The following MGA variants were observed in gnomAD, a reference collection of about 807,000 sequenced individuals.
MGA encodes MAX gene-associated protein.
A neutral mutation model predicts 261.1 loss-of-function variants in MGA; 40 were observed. That is an observed-to-expected ratio of 0.15 (90% confidence interval 0.12 to 0.20). The LOEUF is 0.20. Ranked by LOEUF, MGA falls within the 10% of genes least tolerant of loss-of-function variation. The pLI is 1.00. For missense variants in MGA, 3,397 were observed against 3,630.5 expected (o/e 0.94, Z 1.65); for synonymous variants, 1,302 against 1,290.6 (o/e 1.01, Z -0.19).
intron 5 of MGA, among the ~76,000 whole-genome samples, chr15:41,704,333 T>C (rs933138863): frequency 6.9e-6 from 1 of 144,390 alleles, no homozygotes; most frequent in Non-Finnish European, 1.5e-5. Context: ...TGCCCTGCAG[T>C]AAAAAAAAAA....
At chr15:41,639,986 A>G (rs548545676) in intron 1 of MGA, among the ~76,000 whole-genome samples, 29 of 152,272 alleles carry the variant, frequency 1.9e-4, no homozygotes, top group African/African-American at 7.0e-4. Flanking sequence ...AAGGATGATG[A>G]GAGCTAGATT....
Position 41,736,272 on chromosome 15 carries a change from T to A in MGA, c.4008T>A (p.Ile1336=), listed in dbSNP as rs1459384479. ...CACCTGGTGGTCCCACCAAACTGAT[T>A]GAGATCATCTCAGACTGCAACTGGG... Residue 1336 remains isoleucine (I), a synonymous_variant, in exon 13 of 24, where the codon ATT becomes ATA. Coordinates refer to ENST00000219905, the MANE Select transcript of MGA (RefSeq NM_001164273.2). 6.2e-7 allele frequency: 1 copy of A among 1,613,970 alleles called. No individual in the cohort carries two copies. Among genetic ancestry groups the A allele is most frequent in the East Asian group, 2.2e-5 (1 of 44,890 alleles).
chr15:41,764,941 G>T lies in MGA; in HGVS notation c.7800G>T (p.Pro2600=). The T allele has an allele frequency of 6.2e-7, 1 of 1,613,974 alleles. No individual in the cohort carries two copies. Among genetic ancestry groups the T allele is most frequent in the Non-Finnish European group, 8.5e-7 (1 of 1,179,856 alleles). Residue 2600 remains proline (P), a synonymous_variant, in exon 23 of 24, where the codon CCG becomes CCT. Transcript: ENST00000219905. ...CCTCTGCCAACCTTGTGATGACTCC[G>T]CAAGGGCAATTGCTCACCCTAAAAG... is the stretch of plus-strand genomic sequence containing the variant.
intron 15 of MGA, among the ~76,000 whole-genome samples, chr15:41,743,950 G>C (rs144534522): frequency 1.1e-4 from 17 of 152,254 alleles, no homozygotes; most frequent in African/African-American, 4.1e-4. Context: ...AAAGTAAGTG[G>C]TTCTTTTAAT....
Position 41,749,814 on chromosome 15 carries a change from T to C in MGA, c.6207T>C (p.Tyr2069=), listed in dbSNP as rs1567081790. ...ATTATAAAGATGTTAATGAAGAATA[T>C]GGGGCTAGGAATCGTAAGAGTTCCA... Residue 2069 remains tyrosine (Y), a synonymous_variant, in exon 17 of 24, where the codon TAT becomes TAC. Transcript: ENST00000219905. The C allele has an allele frequency of 6.2e-7, 1 of 1,613,876 alleles. No homozygotes were observed. Among genetic ancestry groups the C allele is most frequent in the Non-Finnish European group, 8.5e-7 (1 of 1,179,874 alleles).
At position 41,769,156 on chromosome 15, in the gene MGA, C is replaced by T. The variant is rs1352737204; in HGVS notation, c.*1876C>T. 6.6e-6 allele frequency: 1 copy of T among 152,574 alleles called. No individual in the cohort carries two copies. Among genetic ancestry groups the T allele is most frequent in the Non-Finnish European group, 1.5e-5 (1 of 68,064 alleles). The allele number at this position is 152,574 out of a possible 1,614,324, so 9.5% of individuals were successfully genotyped here. A position where few individuals can be genotyped will look rare whatever the true frequency, so the allele number is the denominator to read the frequency against. On this transcript the variant is annotated 3_prime_UTR_variant, in exon 24 of 24. Coordinates refer to ENST00000219905, the MANE Select transcript of MGA (RefSeq NM_001164273.2). ...ACTTTAATCCAGGTATAGCAGTTTC[C>T]CGTTATTTTCTTGCTTGTCGTTCCC...
At chr15:41,716,209 C>G (rs551989890) in intron 9 of MGA, among the ~76,000 whole-genome samples, 2 of 151,418 alleles carry the variant, frequency 1.3e-5, no homozygotes, top group African/African-American at 4.9e-5. Flanking sequence ...GCACTTTGGA[C>G]GGCTGAGGCG....
At chr15:41,724,341 A>T (rs2061112527) in intron 9 of MGA, among the ~76,000 whole-genome samples, 1 of 151,862 alleles carries the variant, frequency 6.6e-6, no homozygotes, top group African/African-American at 2.4e-5. Context: ...ATTCCAACAC[A>T]TTTTCCGTAT....
chr15:41,759,854 A>AT (rs888831791), intron 19 of MGA, among the ~76,000 whole-genome samples: 3 of 152,126 alleles, frequency 2.0e-5, no homozygotes, highest in African/African-American at 7.2e-5. Context: ...ATTGTGTAGT[A>AT]TATTTTGGGA....
At chr15:41,708,877 G>A (rs1453345180) in intron 7 of MGA, among the ~76,000 whole-genome samples, 1 of 152,156 alleles carries the variant, frequency 6.6e-6, no homozygotes, top group Non-Finnish European at 1.5e-5. Flanking sequence ...CATTTTGACT[G>A]TATCCCTCTT....
At chr15:41,661,192 C>G (rs1422854250) in intron 1 of MGA, among the ~76,000 whole-genome samples, 2 of 152,120 alleles carry the variant, frequency 1.3e-5, no homozygotes, top group African/African-American at 2.4e-5. Context: ...GAGGGGAAAA[C>G]AGGTGGGAAG....
rs376151993 is a variant in MGA at position 41,727,788 on chromosome 15, TA to T, written c.3657+387del. ...TTTTAAAAGCTTTTAAAAGCAAATT[TA>T]AAAATGCATAATAATATCAGTAAAG... On this transcript the variant is annotated intron_variant, in intron 10 of 23. Coordinates refer to ENST00000219905, the MANE Select transcript of MGA (RefSeq NM_001164273.2). Among the ~76,000 whole-genome samples, 65 of 152,214 alleles carry T rather than the reference TA, an allele frequency of 4.3e-4. 1 individual carries two copies. The East Asian group carries it at 9.3e-3, about 22-fold the overall frequency.
chr15:41,636,853 T>A (rs1009906314), intron 1 of MGA, among the ~76,000 whole-genome samples: 2 of 152,110 alleles, frequency 1.3e-5, no homozygotes, highest in Non-Finnish European at 2.9e-5. Flanking sequence ...ACCTGGCCTG[T>A]GGTGTTTTAT....
intron 15 of MGA, 92 bp downstream of exon 15, chr15:41,743,264 A>G (rs2151861995): frequency 7.3e-7 from 1 of 1,375,662 alleles, no homozygotes; most frequent in Non-Finnish European, 9.7e-7. Context: ...ATATCAGGAT[A>G]ACAGTATAGG....
At chr15:41,683,242 A>G (rs2151119383) in intron 2 of MGA, among the ~76,000 whole-genome samples, 1 of 152,078 alleles carries the variant, frequency 6.6e-6, no homozygotes, top group East Asian at 1.9e-4. Flanking sequence ...AAATTGAGAC[A>G]GGGTTTTGCT....
intron 2 of MGA, among the ~76,000 whole-genome samples, chr15:41,689,251 C>T (rs1374624468): frequency 6.6e-6 from 1 of 151,812 alleles, no homozygotes; most frequent in Non-Finnish European, 1.5e-5. Flanking sequence ...TGTGTACCCT[C>T]TCCCTCTCTC....
At chr15:41,664,874 C>T (rs1035280438) in intron 1 of MGA, among the ~76,000 whole-genome samples, 1 of 152,114 alleles carries the variant, frequency 6.6e-6, no homozygotes, top group Non-Finnish European at 1.5e-5. Context: ...AACCAATCAA[C>T]TTCATAGGTA....
intron 5 of MGA, 44 bp downstream of exon 5, chr15:41,699,203 T>G: frequency 7.8e-7 from 1 of 1,289,330 alleles, no homozygotes; most frequent in Middle Eastern, 1.9e-4. Flanking sequence ...CTTTTTTTCT[T>G]TCTTCCCTAC....
chr15:41,757,031 CTCTG>C (rs751693477), intron 18 of MGA, among the ~76,000 whole-genome samples: 18 of 151,808 alleles, frequency 1.2e-4, no homozygotes, highest in Non-Finnish European at 1.8e-4. Context: ...GCATGGTAAA[CTCTG>C]TCTTAGAATG....
Sources: allele counts gnomAD v4.1 joint callset (sites outside exome capture counted in the v4.1 genomes callset), GRCh38; gene constraint gnomAD v4.1.1; transcripts MANE v1.5; gene names NCBI Gene and HGNC (gene_info 2026-07-23, HGNC 2026-07-21).